The following FRYL variants were observed in gnomAD, a reference collection of about 807,000 sequenced individuals.
FRYL encodes the protein protein furry homolog-like.
In FRYL, 150 loss-of-function variants were observed where a neutral mutation model predicts 351.2. That is an observed-to-expected ratio of 0.43 (90% CI 0.37 to 0.49). The LOEUF is 0.49. FRYL is among the 20% of genes least tolerant of loss of function. The probability of loss-of-function intolerance (pLI) is 0.00; values close to 1 mark genes in which losing one functional copy is unlikely to be tolerated. For missense variants in FRYL, 3,036 were observed against 3,619.3 expected, an observed-to-expected ratio of 0.84 and a Z score of 4.13; for synonymous variants, 1,153 against 1,257.1, an observed-to-expected ratio of 0.92 and a Z score of 1.75.
intron 2 of FRYL, among the ~76,000 whole-genome samples, chr4:48,693,528 T>C (rs1305239860): frequency 6.6e-6 from 1 of 152,098 alleles, no homozygotes; most frequent in African/African-American, 2.4e-5. Context: ...AAAATTGTTT[T>C]TAAATTATAT....
At chr4:48,675,107 G>A (rs1015042249) in intron 3 of FRYL, among the ~76,000 whole-genome samples, 2 of 152,180 alleles carry the variant, frequency 1.3e-5, no homozygotes, top group African/African-American at 4.8e-5. Context: ...GAGTGCAGTG[G>A]CGCAATCTCG....
intron 3 of FRYL, among the ~76,000 whole-genome samples, chr4:48,656,226 G>T (rs1758936653): frequency 7.8e-6 from 1 of 128,922 alleles, no homozygotes; most frequent in South Asian, 2.4e-4. Context: ...ATATATTCAT[G>T]AAAATTTGAA....
Position 48,573,155 on chromosome 4 carries a change from CACTAAT to C in FRYL, c.2904+25_2904+30del, listed in dbSNP as rs1261269450. The stretch of plus-strand genomic sequence containing the variant: ...TAAATATGGCAGAAAAATGAATGTT[CACTAAT>C]ACAAGGCTGCAGAACACAGCTCACC... On this transcript the variant is annotated intron_variant, in intron 26 of 63. Transcript: ENST00000358350. 1.9e-6 allele frequency: 3 copies of C among 1,540,506 alleles called. No individual in the cohort carries two copies. The South Asian group carries it at 3.4e-5, about 18-fold the overall frequency.
intron 4 of FRYL, among the ~76,000 whole-genome samples, chr4:48,627,447 C>T (rs1212424458): frequency 6.6e-6 from 1 of 152,138 alleles, no homozygotes; most frequent in Non-Finnish European, 1.5e-5. Context: ...CAGAAACACA[C>T]AGTTGCCTTA....
intron 16 of FRYL, among the ~76,000 whole-genome samples, chr4:48,593,507 G>A (rs2149218450): frequency 6.6e-6 from 1 of 152,142 alleles, no homozygotes; most frequent in African/African-American, 2.4e-5. Flanking sequence ...ACCACTCCCG[G>A]CTAATTTTGT....
At position 48,746,041 on chromosome 4, in the gene FRYL, G is replaced by C. The variant is rs1031000558; in HGVS notation, c.-384+34037C>G. Among the ~76,000 whole-genome samples the C allele has an allele frequency of 2.0e-5, 3 of 152,168 alleles. 1 individual carries two copies. Among genetic ancestry groups the C allele is most frequent in the African/African-American group, 4.8e-5 (2 of 41,452 alleles). ...CCTGAATTAAGTACAATGTCAAAAA[G>C]AAAATTTGGAACTACTGGTAAGATA... On this transcript the variant is annotated intron_variant, in intron 1 of 63. Coordinates refer to ENST00000358350, the MANE Select transcript of FRYL (RefSeq NM_015030.2).
chr4:48,515,419 G>A (rs190802307), intron 55 of FRYL, 144 bp from the exon 56 acceptor site: 9 of 629,572 alleles, frequency 1.4e-5, no homozygotes, highest in Non-Finnish European at 2.2e-5. Context: ...CTGGAGTGGA[G>A]TGCAATGGCG....
chr4:48,759,466 C>G (rs555610685), intron 1 of FRYL, among the ~76,000 whole-genome samples: 2 of 152,246 alleles, frequency 1.3e-5, no homozygotes, highest in Admixed American at 6.5e-5. Context: ...TTAAACAGCA[C>G]ACATTTATTA....
intron 47 of FRYL, among the ~76,000 whole-genome samples, chr4:48,539,247 G>C (rs2148923476): frequency 6.6e-6 from 1 of 152,202 alleles, no homozygotes; most frequent in South Asian, 2.1e-4. Context: ...AAGATGAAGA[G>C]AAAGACTGTT....
chr4:48,708,153 C>T lies in FRYL; in HGVS notation c.-204+2366G>A, dbSNP rs527899186. Among the ~76,000 whole-genome samples, 4 of 151,826 alleles carry T rather than the reference C, an allele frequency of 2.6e-5. No homozygotes were observed. The South Asian group carries it at 8.3e-4, about 32-fold the overall frequency. On this transcript the variant is annotated intron_variant, in intron 2 of 63. Coordinates refer to ENST00000358350, the MANE Select transcript of FRYL (RefSeq NM_015030.2). ...TTTTTAAGAGACAGGGTGGTAGGCA[C>T]CTGTAATCCCAGCTACTCAGGAGGC... is the stretch of plus-strand genomic sequence containing the variant.
At chr4:48,502,418 G>C (rs1413548169) in intron 61 of FRYL, among the ~76,000 whole-genome samples, 3 of 151,914 alleles carry the variant, frequency 2.0e-5, no homozygotes, top group Admixed American at 6.6e-5. Flanking sequence ...GGTGGTGGGT[G>C]TATGTAATCC....
chr4:48,523,588 A>T (rs2148838012), intron 53 of FRYL: 1 of 153,904 alleles, frequency 6.5e-6, no homozygotes, highest in African/African-American at 2.4e-5. Context: ...ACTCTTTGTG[A>T]TTTCTCAAAC....
intron 1 of FRYL, among the ~76,000 whole-genome samples, chr4:48,736,154 A>C (rs2149636697): frequency 6.6e-6 from 1 of 152,218 alleles, no homozygotes; most frequent in Middle Eastern, 3.4e-3. Context: ...AGAATTTTTT[A>C]AATATTTTAA....
intron 2 of FRYL, among the ~76,000 whole-genome samples, chr4:48,708,483 C>T (rs767118743): frequency 6.6e-6 from 1 of 151,804 alleles, no homozygotes; most frequent in South Asian, 2.1e-4. Flanking sequence ...ACAAACACTG[C>T]GTACTCATTT....
chr4:48,741,281 T>C (rs1772031722), intron 1 of FRYL, among the ~76,000 whole-genome samples: 1 of 152,090 alleles, frequency 6.6e-6, no homozygotes, highest in African/African-American at 2.4e-5. Flanking sequence ...CTGTGGCTCA[T>C]GACTGTAATC....
chr4:48,560,435 A>G (rs562781513), intron 33 of FRYL, among the ~76,000 whole-genome samples: 1 of 152,306 alleles, frequency 6.6e-6, no homozygotes, highest in Admixed American at 6.5e-5. Flanking sequence ...GAACTGAAGG[A>G]AGAATGACAA....
At chr4:48,650,318 T>A (rs552740838) in intron 3 of FRYL, among the ~76,000 whole-genome samples, 2 of 152,288 alleles carry the variant, frequency 1.3e-5, no homozygotes, top group African/African-American at 4.8e-5. Flanking sequence ...ATATCTTACT[T>A]GTCTGCACAT....
intron 1 of FRYL, among the ~76,000 whole-genome samples, chr4:48,739,413 A>AG (rs1285817047): frequency 6.8e-6 from 1 of 147,210 alleles, no homozygotes; most frequent in Non-Finnish European, 1.5e-5. Context: ...AAAAAAAAAA[A>AG]AAAAAAAACA....
At chr4:48,596,855 CTT>C (rs1347504479) in intron 13 of FRYL, among the ~76,000 whole-genome samples, 9 of 142,692 alleles carry the variant, frequency 6.3e-5, no homozygotes, top group Non-Finnish European at 6.2e-5. Context: ...TAATAATCTC[CTT>C]TTTTTTTTTT....
Sources: allele counts gnomAD v4.1 joint callset (sites outside exome capture counted in the v4.1 genomes callset), GRCh38; gene constraint gnomAD v4.1.1; transcripts MANE v1.5; gene names NCBI Gene and HGNC (gene_info 2026-07-23, HGNC 2026-07-21).